Variants in SLC24A4 observed in about 807,000 individuals in gnomAD.
The protein encoded by SLC24A4 is solute carrier family 24 member 4, also known as sodium/potassium/calcium exchanger 4.
Under a neutral mutation model 79.0 loss-of-function variants are expected in SLC24A4, and 53 were observed. That is an observed-to-expected ratio of 0.67 (90% CI 0.54 to 0.84). SLC24A4 has a LOEUF of 0.84. Among genes scored for constraint, SLC24A4 ranks in the 40% least tolerant of loss-of-function variants. The probability of loss-of-function intolerance (pLI) is 0.00; values close to 1 mark genes in which losing one functional copy is unlikely to be tolerated. For synonymous variants in SLC24A4, 323 were observed against 323.8 expected (o/e 1.00, Z 0.03); for missense variants, 731 against 822.0 (o/e 0.89, Z 1.35).
rs1327061695 is a variant in SLC24A4, at chr14:92,474,829, ATG to A, written c.1256-7837_1256-7836del. ...CATATATACATATATATACATATAT[ATG>A]TGTGTGTGTGTGTATATATATATAT... On this transcript the variant is annotated intron_variant, in intron 12 of 16. Transcript: ENST00000532405. 1.6e-4 allele frequency among the ~76,000 whole-genome samples: 14 copies of A among 87,530 alleles called. 2 individuals carry two copies. The South Asian group carries it at 3.0e-3, about 19-fold the overall frequency. 57.4% of individuals were successfully genotyped at this position (87,530 alleles called of 152,430 possible).
intron 10 of SLC24A4, 65 bp downstream of exon 10, chr14:92,449,281 T>TAC (rs36228701): frequency 0.03 from 25,992 of 866,152 alleles, 269 homozygotes; most frequent in Non-Finnish European, 0.032. Flanking sequence ...CTCTTTTGTG[T>TAC]ACACACACAC....
chr14:92,392,150 C>T (rs977491910), intron 2 of SLC24A4, among the ~76,000 whole-genome samples: 3 of 151,408 alleles, frequency 2.0e-5, no homozygotes, highest in African/African-American at 7.3e-5. Flanking sequence ...TCCACATTAT[C>T]GGAAACTCTT....
chr14:92,357,405 A>G (rs2141657510), intron 2 of SLC24A4, among the ~76,000 whole-genome samples: 1 of 152,364 alleles, frequency 6.6e-6, no homozygotes, highest in Non-Finnish European at 1.5e-5. Context: ...GGCACATGGC[A>G]GCATTATTCA....
chr14:92,434,132 C>T (rs537513455), intron 3 of SLC24A4, 144 bp downstream of exon 3: 1 of 691,382 alleles, frequency 1.4e-6, no homozygotes, highest in Admixed American at 2.2e-5. Flanking sequence ...GTTTTACCCA[C>T]ACAGAAAGGA....
Position 92,346,313 on chromosome 14 carries a change from G to A in SLC24A4, c.241+20335G>A, listed in dbSNP as rs551286769. ...TCACTCTCAGACTCTGCATTGTTTT[G>A]GAGCCTCAGTTTTTCCGTCTGTAAA... On this transcript the variant is annotated intron_variant, in intron 2 of 16. Transcript: ENST00000532405. 3.3e-5 allele frequency among the ~76,000 whole-genome samples: 5 copies of A among 152,254 alleles called. No individual in the cohort carries two copies. The East Asian group carries it at 9.7e-4, about 29-fold the overall frequency.
In SLC24A4 at chr14:92,453,896, A is replaced by G; in HGVS notation, c.881-4A>G. ...AGCACTAATCACGGTGTTGCGCTCA[A>G]CAGTGAAGGAGAAGCCACAGTATGG... On this transcript the variant is annotated splice_polypyrimidine_tract_variant and splice_region_variant and intron_variant, in intron 10 of 16. Coordinates refer to ENST00000532405, the MANE Select transcript of SLC24A4 (RefSeq NM_153646.4). 1 of 1,608,168 alleles carries G rather than the reference A, an allele frequency of 6.2e-7. No individual in the cohort carries two copies. Among genetic ancestry groups the G allele is most frequent in the Non-Finnish European group, 8.5e-7 (1 of 1,177,528 alleles).
At chr14:92,354,731 T>C (rs1156763756) in intron 2 of SLC24A4, among the ~76,000 whole-genome samples, 1 of 152,128 alleles carries the variant, frequency 6.6e-6, no homozygotes. Context: ...CAGGTGAGAC[T>C]GATTATTTTG....
chr14:92,334,369 G>T (rs569123945), intron 2 of SLC24A4, among the ~76,000 whole-genome samples: 85 of 152,244 alleles, frequency 5.6e-4, no homozygotes, highest in African/African-American at 1.8e-3. Context: ...CCACCAATGT[G>T]ATTACAAACA....
chr14:92,409,353 T>A (rs933424774), intron 2 of SLC24A4, among the ~76,000 whole-genome samples: 3 of 152,204 alleles, frequency 2.0e-5, no homozygotes, highest in African/African-American at 7.2e-5. Flanking sequence ...TGGAGGCTGT[T>A]TGAGTTTCTG....
intron 2 of SLC24A4, among the ~76,000 whole-genome samples, chr14:92,331,215 CCT>C (rs1330064220): frequency 6.6e-6 from 1 of 152,168 alleles, no homozygotes; most frequent in Non-Finnish European, 1.5e-5. Context: ...TCAAAGTAGC[CCT>C]CTGAGTCCCT....
rs1895379834 is a variant in SLC24A4, at chr14:92,486,696, C to T, written c.1453C>T (p.Pro485Ser). Reference sequence around the variant, plus strand: ...TATTATCGGATACACACTTGGGATCCCGGATGTCATCATGGGCATTACTTT... The same window carrying T: ...TATTATCGGATACACACTTGGGATCTCGGATGTCATCATGGGCATTACTTT... The part of the protein sequence containing the change: ...VTIIGYTLGI[P>S]DVIMGITFLA... The change falls in exon 14 of 17, where the codon CCG becomes TCG. Residue 485 changes from proline to serine, a missense_variant. Pro to Ser is a moderately conservative substitution (Grantham distance 74, BLOSUM62 -1). Coordinates refer to ENST00000532405, the MANE Select transcript of SLC24A4 (RefSeq NM_153646.4). 1 of 1,614,102 alleles carries T rather than the reference C, an allele frequency of 6.2e-7. No individual in the cohort carries two copies.
intron 12 of SLC24A4, among the ~76,000 whole-genome samples, chr14:92,456,950 T>A (rs545548473): frequency 3.9e-5 from 6 of 152,294 alleles, no homozygotes; most frequent in Admixed American, 3.9e-4. Flanking sequence ...GTCCACAGTG[T>A]TATTTTTAGG....
chr14:92,490,684 C>A lies in SLC24A4; in HGVS notation c.1538-981C>A, dbSNP rs1895631016. Among the ~76,000 whole-genome samples, 1 of 152,128 alleles carries A rather than the reference C, an allele frequency of 6.6e-6. No individual in the cohort carries two copies. Among genetic ancestry groups the A allele is most frequent in the Admixed American group, 6.5e-5 (1 of 15,270 alleles). On this transcript the variant is annotated intron_variant, in intron 14 of 16. Transcript: ENST00000532405. The surrounding 1 kb of genome is among the most constrained non-coding windows in gnomAD (Gnocchi z 4.3). The stretch of plus-strand genomic sequence containing the variant: ...ATCTTCTGTCACGCGAGGTTATGCC[C>A]CACTCCGGCCTCCAGCCCAGGGTAG...
At chr14:92,327,384 C>G (rs1187324677) in intron 2 of SLC24A4, among the ~76,000 whole-genome samples, 1 of 152,200 alleles carries the variant, frequency 6.6e-6, no homozygotes, top group East Asian at 1.9e-4. Context: ...AGGGTGTCTC[C>G]TCTCATCAGC....
chr14:92,467,372 A>G (rs1010434879), intron 12 of SLC24A4, among the ~76,000 whole-genome samples: 7 of 152,182 alleles, frequency 4.6e-5, no homozygotes, highest in African/African-American at 1.7e-4. Context: ...ATGAAGACAC[A>G]CTCACAAATT....
At chr14:92,448,376 AC>A (rs1892928282) in intron 9 of SLC24A4, among the ~76,000 whole-genome samples, 2 of 151,788 alleles carry the variant, frequency 1.3e-5, no homozygotes, top group Admixed American at 1.3e-4. Flanking sequence ...ACACACACAC[AC>A]ACAAATCCCT....
Position 92,333,004 on chromosome 14 carries a change from G to A in SLC24A4, c.241+7026G>A, listed in dbSNP as rs185566761. Among the ~76,000 whole-genome samples, 161 of 152,290 alleles carry A rather than the reference G, an allele frequency of 1.1e-3. 1 individual carries two copies. Among genetic ancestry groups the A allele is most frequent in the Middle Eastern group, 6.8e-3 (2 of 294 alleles). On this transcript the variant is annotated intron_variant, in intron 2 of 16. Coordinates refer to ENST00000532405, the MANE Select transcript of SLC24A4 (RefSeq NM_153646.4). Reference sequence around the variant, plus strand: ...CTTCTAAATAGAAGAACTTTCTTGTGTCTTGACCGGCATTATTTTACGTTT... The same window carrying A: ...CTTCTAAATAGAAGAACTTTCTTGTATCTTGACCGGCATTATTTTACGTTT...
intron 12 of SLC24A4, among the ~76,000 whole-genome samples, chr14:92,481,527 A>C (rs1895072924): frequency 6.6e-6 from 1 of 152,208 alleles, no homozygotes; most frequent in Non-Finnish European, 1.5e-5. Flanking sequence ...GTGGGAATGA[A>C]CTTGGGAGGT....
intron 2 of SLC24A4, among the ~76,000 whole-genome samples, chr14:92,416,218 G>A (rs934559549): frequency 6.6e-6 from 1 of 151,982 alleles, no homozygotes; most frequent in Non-Finnish European, 1.5e-5. Flanking sequence ...CTAACGTGCC[G>A]GGTGAAGAAT....
Sources: allele counts gnomAD v4.1 joint callset (sites outside exome capture counted in the v4.1 genomes callset), GRCh38; gene constraint gnomAD v4.1.1; non-coding constraint Gnocchi (gnomAD v3.1); transcripts MANE v1.5; gene names NCBI Gene and HGNC (gene_info 2026-07-23, HGNC 2026-07-21).